The following NRXN3 variants were observed in gnomAD, a reference collection of about 807,000 sequenced individuals.
The protein encoded by NRXN3 is neurexin III.
In NRXN3, 32 loss-of-function variants were observed where a neutral mutation model predicts 137.6. That is an observed-to-expected ratio of 0.23 (90% confidence interval 0.18 to 0.31). NRXN3 has a LOEUF of 0.31. NRXN3 is among the 10% of genes least tolerant of loss of function. The pLI, the probability that NRXN3 is intolerant of heterozygous loss-of-function variation, is 1.00. For missense variants in NRXN3, 1,574 were observed against 2,062.5 expected (o/e 0.76, Z 4.59); for synonymous variants, 798 against 784.5 (o/e 1.02, Z -0.29).
chr14:79,105,503 C>T (rs1178068204), intron 15 of NRXN3, among the ~76,000 whole-genome samples: 6 of 152,224 alleles, frequency 3.9e-5, no homozygotes, highest in South Asian at 4.2e-4. Flanking sequence ...TAGTGAAAAT[C>T]GATTTATTCC....
chr14:79,670,011 T>G (rs1223911274), intron 17 of NRXN3, among the ~76,000 whole-genome samples: 1 of 152,038 alleles, frequency 6.6e-6, no homozygotes, highest in Non-Finnish European at 1.5e-5. Flanking sequence ...GCCAACCATA[T>G]GTTGCTATTG....
intron 15 of NRXN3, among the ~76,000 whole-genome samples, chr14:79,082,067 C>CATAT (rs368366343): frequency 5.0e-5 from 7 of 139,834 alleles, no homozygotes; most frequent in South Asian, 2.2e-4. Context: ...ATGTTTCATA[C>CATAT]ATATATATAT....
At position 79,479,071 on chromosome 14, in the gene NRXN3, C is replaced by T. The variant is rs866674656; in HGVS notation, c.3444+11669C>T. On this transcript the variant is annotated intron_variant, in intron 16 of 20. Coordinates refer to ENST00000335750, the MANE Select transcript of NRXN3 (RefSeq NM_001330195.2). ...TGCAATGAGGCATGGAATCTGATTACCCTTATCATTATCTTAGCTTGGATA... is the reference window on the plus strand; with the variant it reads ...TGCAATGAGGCATGGAATCTGATTATCCTTATCATTATCTTAGCTTGGATA... Among the ~76,000 whole-genome samples the T allele has an allele frequency of 4.6e-5, 7 of 152,260 alleles. No homozygotes were observed. The Middle Eastern group carries it at 0.014, about 296-fold the overall frequency.
intron 10 of NRXN3, among the ~76,000 whole-genome samples, chr14:78,870,698 C>T (rs1321423870): frequency 6.6e-6 from 1 of 151,996 alleles, no homozygotes; most frequent in South Asian, 2.1e-4. Context: ...CACTACCCAT[C>T]CCAGTCTCTG....
intron 20 of NRXN3, among the ~76,000 whole-genome samples, chr14:79,840,073 A>G (rs191218807): frequency 0.012 from 1,779 of 152,282 alleles, 21 homozygotes; most frequent in Non-Finnish European, 0.016. Flanking sequence ...TTTACAAATA[A>G]GAGAGATTAT....
intron 8 of NRXN3, among the ~76,000 whole-genome samples, chr14:78,730,603 T>C (rs557668786): frequency 6.6e-6 from 1 of 152,314 alleles, no homozygotes; most frequent in Non-Finnish European, 1.5e-5. Flanking sequence ...AGGTGGCTGG[T>C]GCCTACCAGC....
intron 4 of NRXN3, among the ~76,000 whole-genome samples, chr14:78,581,412 G>A (rs2096994823): frequency 6.6e-6 from 1 of 152,130 alleles, no homozygotes; most frequent in Non-Finnish European, 1.5e-5. Context: ...CCTCCTAAGG[G>A]GAGGCATACT....
In NRXN3 at chr14:78,632,368, T is replaced by C. The variant is rs559404677; in HGVS notation, c.758-12752T>C. 2.0e-5 allele frequency among the ~76,000 whole-genome samples: 3 copies of C among 152,282 alleles called. No homozygotes were observed. The East Asian group carries it at 5.8e-4, about 29-fold the overall frequency. ...ATACTTTAAAAAATCAGATAATGTA[T>C]GTGAAAGTGGTTTGGAATATGTGAC... On this transcript the variant is annotated intron_variant, in intron 4 of 20. Transcript: ENST00000335750.
At chr14:78,972,444 C>A (rs2099445438) in intron 14 of NRXN3, among the ~76,000 whole-genome samples, 1 of 152,154 alleles carries the variant, frequency 6.6e-6, no homozygotes, top group African/African-American at 2.4e-5. Context: ...CAAGAGGGCA[C>A]AAGGGGTGCA....
At chr14:79,028,816 C>T (rs969399655) in intron 15 of NRXN3, among the ~76,000 whole-genome samples, 1 of 152,084 alleles carries the variant, frequency 6.6e-6, no homozygotes, top group African/African-American at 2.4e-5. Context: ...GTTACCATAG[C>T]CTCCGTGCTG....
At chr14:79,613,810 C>T (rs761459854) in intron 16 of NRXN3, among the ~76,000 whole-genome samples, 1 of 152,202 alleles carries the variant, frequency 6.6e-6, no homozygotes. Context: ...CTAAGTCAAC[C>T]TTTCATTTTA....
chr14:78,921,638 A>G (rs567950923), intron 10 of NRXN3, among the ~76,000 whole-genome samples: 5 of 152,300 alleles, frequency 3.3e-5, no homozygotes, highest in East Asian at 1.9e-4. Context: ...AGGAACCAGG[A>G]AAGATTAGTC....
chr14:78,889,209 T>C (rs2099152252), intron 10 of NRXN3, among the ~76,000 whole-genome samples: 1 of 151,994 alleles, frequency 6.6e-6, no homozygotes, highest in South Asian at 2.1e-4. Context: ...CAAAAGACCT[T>C]GTTCAAAGGG....
chr14:79,840,333 A>G (rs1442228324), intron 20 of NRXN3, among the ~76,000 whole-genome samples: 2 of 152,192 alleles, frequency 1.3e-5, no homozygotes, highest in Non-Finnish European at 2.9e-5. Context: ...CCCCTAGCAG[A>G]CAGACTTAGT....
At chr14:79,335,478 C>G (rs1392168917) in intron 15 of NRXN3, among the ~76,000 whole-genome samples, 1 of 151,924 alleles carries the variant, frequency 6.6e-6, no homozygotes, top group African/African-American at 2.4e-5. Context: ...CGTGTTCACA[C>G]CCCTCTATTA....
At chr14:79,126,262 T>C (rs2152938955) in intron 15 of NRXN3, among the ~76,000 whole-genome samples, 1 of 152,182 alleles carries the variant, frequency 6.6e-6, no homozygotes, top group East Asian at 1.9e-4. Flanking sequence ...GCCGTGCTGG[T>C]GCGCTGCACC....
intron 6 of NRXN3, among the ~76,000 whole-genome samples, chr14:78,671,983 T>A (rs1324581350): frequency 6.6e-6 from 1 of 152,230 alleles, no homozygotes; most frequent in African/African-American, 2.4e-5. Flanking sequence ...GATTTTTCTT[T>A]CCTTTCAAAG....
At chr14:79,308,901 TTTTATTTA>T (rs756627963) in intron 15 of NRXN3, among the ~76,000 whole-genome samples, 8 of 132,810 alleles carry the variant, frequency 6.0e-5, no homozygotes, top group African/African-American at 1.4e-4. Context: ...TTTTTTTTTA[TTTTATTTA>T]TTTATTTATT....
chr14:79,395,552 TA>T (rs1400328052), intron 15 of NRXN3, among the ~76,000 whole-genome samples: 1 of 152,022 alleles, frequency 6.6e-6, no homozygotes, highest in Non-Finnish European at 1.5e-5. Context: ...CTCACGCCTG[TA>T]ATCCCAGCAC....
Sources: allele counts gnomAD v4.1 joint callset (sites outside exome capture counted in the v4.1 genomes callset), GRCh38; gene constraint gnomAD v4.1.1; transcripts MANE v1.5; gene names NCBI Gene and HGNC (gene_info 2026-07-23, HGNC 2026-07-21).